UBE2F: variants seen among roughly 807,000 people sequenced by gnomAD.
UBE2F encodes NEDD8-conjugating enzyme UBE2F.
UBE2F carries 5 observed loss-of-function variants against 29.6 expected under a neutral mutation model. The observed-to-expected ratio is 0.17, with a 90% confidence interval of 0.09 to 0.36. The LOEUF is 0.36. Among genes scored for constraint, UBE2F ranks in the 10% least tolerant of loss-of-function variants. The pLI, the probability that UBE2F is intolerant of heterozygous loss-of-function variation, is 1.00. For missense variants in UBE2F, 141 were observed against 228.5 expected (o/e 0.62, Z 2.47); for synonymous variants, 66 against 81.8 (o/e 0.81, Z 1.04).
At chr2:238,034,473 G>C (rs576324946) in intron 8 of UBE2F, among the ~76,000 whole-genome samples, 33 of 151,888 alleles carry the variant, frequency 2.2e-4, no homozygotes, top group Non-Finnish European at 3.2e-4. Flanking sequence ...AGCCACACTA[G>C]CTCCCCATCT....
At position 237,971,890 on chromosome 2, in the gene UBE2F, G is replaced by A. The variant is rs540807642; in HGVS notation, c.-16-1202G>A. ...ATGTGCATGTGTTGGGGCAGGGGGC[G>A]TATGGGAAATCTCTGTACCTTCCTG... On this transcript the variant is annotated intron_variant, in intron 1 of 9. Transcript: ENST00000272930. Among the ~76,000 whole-genome samples, 10 of 152,310 alleles carry A rather than the reference G, an allele frequency of 6.6e-5. No homozygotes were observed. In the East Asian group the frequency reaches 7.7e-4, roughly 12 times the overall value.
At chr2:238,025,481 T>C (rs1190200054) in intron 6 of UBE2F, 69 bp downstream of exon 6, 25 of 1,375,902 alleles carry the variant, frequency 1.8e-5, no homozygotes, top group Non-Finnish European at 2.3e-5. Context: ...CTTTTAAACA[T>C]GTTGTCTCCT....
chr2:238,014,412 A>G (rs2064109966), intron 4 of UBE2F, among the ~76,000 whole-genome samples: 1 of 152,242 alleles, frequency 6.6e-6, no homozygotes, highest in African/African-American at 2.4e-5. Flanking sequence ...TATAATCCTA[A>G]TAATTATTAA....
Position 237,973,081 on chromosome 2 carries a change from C to A in UBE2F, c.-16-11C>A. 6.3e-7 allele frequency: 1 copy of A among 1,594,282 alleles called. No individual in the cohort carries two copies. Among genetic ancestry groups the A allele is most frequent in the Non-Finnish European group, 8.6e-7 (1 of 1,164,734 alleles). On this transcript the variant is annotated splice_polypyrimidine_tract_variant and intron_variant, in intron 1 of 9. Coordinates refer to ENST00000272930, the MANE Select transcript of UBE2F (RefSeq NM_080678.3). ...CTGGTCCTTAACCCTGCTTTCATTGCTGTCTTTCAGGGTAAAGGCAGCAGT... is the reference window on the plus strand; with the variant it reads ...CTGGTCCTTAACCCTGCTTTCATTGATGTCTTTCAGGGTAAAGGCAGCAGT...
chr2:237,998,732 T>C (rs2063734877), intron 4 of UBE2F, among the ~76,000 whole-genome samples: 1 of 152,138 alleles, frequency 6.6e-6, no homozygotes, highest in African/African-American at 2.4e-5. Context: ...TAAGAAACTT[T>C]CCACTGTGGT....
At position 237,967,844 on chromosome 2, in the gene UBE2F, G is replaced by C. The variant is rs1361165988; in HGVS notation, c.-17+712G>C. Among the ~76,000 whole-genome samples, 1 of 152,188 alleles carries C rather than the reference G, an allele frequency of 6.6e-6. No homozygotes were observed. Among genetic ancestry groups the C allele is most frequent in the Admixed American group, 6.5e-5 (1 of 15,278 alleles). ...CCTAGTTCTGCTGGTGTGTCATCTT[G>C]GGTGTGGCCTTCCCCTCCCTGGGCT... On this transcript the variant is annotated intron_variant, in intron 1 of 9. Coordinates refer to ENST00000272930, the MANE Select transcript of UBE2F (RefSeq NM_080678.3). The surrounding 1 kb of genome is among the most constrained non-coding windows in gnomAD (Gnocchi z 6.3).
chr2:238,003,921 C>T (rs1265581234), intron 4 of UBE2F, among the ~76,000 whole-genome samples: 1 of 152,198 alleles, frequency 6.6e-6, no homozygotes, highest in Non-Finnish European at 1.5e-5. Context: ...ATCCCCTCTC[C>T]ATCCCCAGCC....
At position 238,017,827 on chromosome 2, in the gene UBE2F, T is replaced by G. The variant is rs187586616; in HGVS notation, c.282+1194T>G. On this transcript the variant is annotated intron_variant, in intron 5 of 9. Coordinates refer to ENST00000272930, the MANE Select transcript of UBE2F (RefSeq NM_080678.3). ...ATGAGGATGTGGGCATTGGGGACAC[T>G]GTTCCTGTGACTTCGCTTGTGGGAA... is the stretch of plus-strand genomic sequence containing the variant. Among the ~76,000 whole-genome samples the G allele has an allele frequency of 4.9e-3, 751 of 152,304 alleles. 8 individuals carry two copies. The highest frequency in any genetic ancestry group is 0.017 in the African/African-American group (695 of 41,562).
rs971361205 is a variant in UBE2F at position 238,026,277 on chromosome 2, C to T, written c.353+865C>T. 2.6e-5 allele frequency among the ~76,000 whole-genome samples: 4 copies of T among 152,336 alleles called. No individual in the cohort carries two copies. In the East Asian group the frequency reaches 7.7e-4, roughly 29 times the overall value. On this transcript the variant is annotated intron_variant, in intron 6 of 9. Transcript: ENST00000272930. ...CACAAAGTGTTTTCTTAGCACATTT[C>T]TCCTACTTTTGACATGAAATGCAAT...
rs2063211565 is a variant in UBE2F at position 237,973,282 on chromosome 2, GGA to G, written c.118+61_118+62del. 1.5e-5 allele frequency: 23 copies of G among 1,580,868 alleles called. No individual in the cohort carries two copies. In the South Asian group the frequency reaches 2.6e-4, roughly 18 times the overall value. On this transcript the variant is annotated intron_variant, in intron 2 of 9. Transcript: ENST00000272930. Reference sequence around the variant, plus strand: ...TCCTATAACAAAAGGAAGTTTGACTGGAGAGTCTTTGGGGATATAAAGCAACC... The same window carrying G: ...TCCTATAACAAAAGGAAGTTTGACTGGAGTCTTTGGGGATATAAAGCAACC...
At chr2:238,033,291 T>C (rs2064628230) in intron 8 of UBE2F, among the ~76,000 whole-genome samples, 1 of 152,244 alleles carries the variant, frequency 6.6e-6, no homozygotes, top group South Asian at 2.1e-4. Flanking sequence ...AGCCAAAAGC[T>C]GTTGGTTGGA....
rs1162304454 is a variant in UBE2F at position 238,022,175 on chromosome 2, C to CT, written c.283-3156dup. ...ATTTCTTTTTCTTTTCTTTTCTTTTCTTTTTTTTTTTGGAGACAGAGTCTT... is the reference window on the plus strand; with the variant it reads ...ATTTCTTTTTCTTTTCTTTTCTTTTCTTTTTTTTTTTTGGAGACAGAGTCTT... On this transcript the variant is annotated intron_variant, in intron 5 of 9. Transcript: ENST00000272930. Among the ~76,000 whole-genome samples, 15 of 63,312 alleles carry CT rather than the reference C, an allele frequency of 2.4e-4. 1 individual carries two copies. The highest frequency in any genetic ancestry group is 1.2e-3 in the South Asian group (3 of 2,436). 41.5% of individuals were successfully genotyped at this position (63,312 alleles called of 152,430 possible). A position where few individuals can be genotyped will look rare whatever the true frequency, so the allele number is the denominator to read the frequency against.
At chr2:238,038,962 C>T (rs1677321449) in intron 9 of UBE2F, among the ~76,000 whole-genome samples, 1 of 152,214 alleles carries the variant, frequency 6.6e-6, no homozygotes, top group South Asian at 2.1e-4. Context: ...CGGCCAGACA[C>T]CGTGGCTCAC....
chr2:237,983,697 G>C (rs1015067961), intron 2 of UBE2F, among the ~76,000 whole-genome samples: 1 of 151,960 alleles, frequency 6.6e-6, no homozygotes, highest in East Asian at 1.9e-4. Flanking sequence ...TCACATTTGC[G>C]TCTTCACTTC....
intron 3 of UBE2F, among the ~76,000 whole-genome samples, chr2:237,993,630 C>T (rs1284483786): frequency 6.6e-6 from 1 of 152,142 alleles, no homozygotes; most frequent in Admixed American, 6.5e-5. Context: ...GGAGGATCAC[C>T]TGAGCCTTGG....
intron 5 of UBE2F, among the ~76,000 whole-genome samples, chr2:238,018,266 T>C (rs890873984): frequency 6.6e-6 from 1 of 152,148 alleles, no homozygotes; most frequent in African/African-American, 2.4e-5. Flanking sequence ...GCATACAGTA[T>C]TTAAAATTCT....
At chr2:237,976,176 T>C (rs1278233968) in intron 2 of UBE2F, among the ~76,000 whole-genome samples, 1 of 152,190 alleles carries the variant, frequency 6.6e-6, no homozygotes, top group Non-Finnish European at 1.5e-5. Flanking sequence ...TGATAGGACT[T>C]GAGTGTCTTC....
Position 238,019,654 on chromosome 2 carries a change from C to CTTT in UBE2F, c.282+3038_282+3040dup, listed in dbSNP as rs375103007. Among the ~76,000 whole-genome samples, 499 of 78,002 alleles carry CTTT rather than the reference C, an allele frequency of 6.4e-3. 61 individuals carry two copies. In the East Asian group the frequency reaches 0.065, roughly 10 times the overall value. The allele number at this position is 78,002 out of a possible 152,430, so 51.2% of individuals were successfully genotyped here. A position where few individuals can be genotyped will look rare whatever the true frequency, so the allele number is the denominator to read the frequency against. On this transcript the variant is annotated intron_variant, in intron 5 of 9. Transcript: ENST00000272930. ...GTGCTGGGGAGCCACTGTGCTCAGC[C>CTTT]TTTTTTTTTTTTTTTTTTTAATGAG... is the stretch of plus-strand genomic sequence containing the variant.
At chr2:237,997,093 G>C (rs2063706705) in intron 4 of UBE2F, among the ~76,000 whole-genome samples, 1 of 152,016 alleles carries the variant, frequency 6.6e-6, no homozygotes, top group Admixed American at 6.6e-5. Flanking sequence ...GTGTGGTGGT[G>C]GTGCGTGCCT....
Sources: gnomAD v4.1 joint callset for allele counts (sites outside exome capture counted in the v4.1 genomes callset) on GRCh38, gnomAD v4.1.1 for gene constraint, Gnocchi (gnomAD v3.1) non-coding constraint, MANE v1.5 for transcripts, NCBI Gene and HGNC (gene_info 2026-07-23, HGNC 2026-07-21) for gene names.